Variants in EP400 observed in about 807,000 individuals in gnomAD.
The protein encoded by EP400 is E1A-binding protein p400.
EP400 carries 105 observed loss-of-function variants against 354.1 expected under a neutral mutation model. The ratio of observed to expected loss-of-function variants is 0.30; its 90% CI spans 0.25 to 0.35. The LOEUF is 0.35. Ranked by LOEUF, EP400 falls within the 10% of genes least tolerant of loss-of-function variation. EP400 has a pLI of 1.00. For missense variants in EP400, 3,280 were observed against 4,121.0 expected (o/e 0.80, Z 5.59); for synonymous variants, 1,646 against 1,716.9 (o/e 0.96, Z 1.02).
intron 2 of EP400, among the ~76,000 whole-genome samples, chr12:131,966,423 G>T (rs781125104): frequency 6.6e-6 from 1 of 151,850 alleles, no homozygotes; most frequent in Non-Finnish European, 1.5e-5. Flanking sequence ...GCAAAAATCA[G>T]CTGGGCATGG....
Position 131,951,065 on chromosome 12 carries a change from ATTTTTTTT to A in EP400, c.-36+1046_-36+1053del, listed in dbSNP as rs750396319. Reference sequence around the variant, plus strand: ...CAGGCGCCTGCCACCACGCCTGGCTATTTTTTTTTTTTTTTTTTTTTTTTGGATTTTTA... The same window carrying A: ...CAGGCGCCTGCCACCACGCCTGGCTATTTTTTTTTTTTTTTTGGATTTTTA... On this transcript the variant is annotated intron_variant, in intron 1 of 52. Transcript: ENST00000389561. 4.7e-4 allele frequency among the ~76,000 whole-genome samples: 49 copies of A among 104,170 alleles called. 1 individual carries two copies. Among genetic ancestry groups the A allele is most frequent in the Admixed American group, 1.5e-3 (15 of 9,942 alleles). The allele number at this position is 104,170 out of a possible 152,430, so 68.3% of individuals were successfully genotyped here.
chr12:131,973,504 G>A (rs1366149479), intron 2 of EP400, among the ~76,000 whole-genome samples: 1 of 152,188 alleles, frequency 6.6e-6, no homozygotes, highest in Non-Finnish European at 1.5e-5. Flanking sequence ...TTTGCCGGGT[G>A]TGGTGGCGTG....
intron 2 of EP400, among the ~76,000 whole-genome samples, chr12:131,963,125 G>A: frequency 6.6e-6 from 1 of 152,092 alleles, no homozygotes; most frequent in Non-Finnish European, 1.5e-5. Context: ...CCCCTTACCT[G>A]TGCTTAGAAA....
intron 19 of EP400, among the ~76,000 whole-genome samples, chr12:132,016,412 A>G (rs1893936014): frequency 6.6e-6 from 1 of 151,450 alleles, no homozygotes; most frequent in African/African-American, 2.4e-5. Flanking sequence ...CTTGTCACCT[A>G]GGCTGGAGTG....
In EP400 at chr12:132,054,162, C is replaced by T. The variant is rs1243250728; in HGVS notation, c.7728+565C>T. ...TGTGTGCGTCCGTGTGCCACACAGA[C>T]GCTGAAATCATATGCGCAGAATCAC... On this transcript the variant is annotated intron_variant, in intron 43 of 52. Transcript: ENST00000389561. This position sits in a 1 kb window ranked among gnomAD's most constrained non-coding sequence, Gnocchi z 4.0. Among the ~76,000 whole-genome samples the T allele has an allele frequency of 6.6e-6, 1 of 152,212 alleles. No homozygotes were observed. The highest frequency in any genetic ancestry group is 2.4e-5 in the African/African-American group (1 of 41,444).
rs369546928 is a variant in EP400 at position 132,017,652 on chromosome 12, C to T, written c.4041C>T (p.Tyr1347=). 4.1e-5 allele frequency: 66 copies of T among 1,601,420 alleles called. No individual in the cohort carries two copies. The highest frequency in any genetic ancestry group is 6.9e-5 in the Admixed American group (4 of 58,280). The change falls in exon 20 of 53, where the codon TAC becomes TAT. Residue 1347 remains tyrosine (Y), a synonymous_variant. Coordinates refer to ENST00000389561, the MANE Select transcript of EP400 (RefSeq NM_015409.5). The surrounding 1 kb of genome is among the most constrained non-coding windows in gnomAD (Gnocchi z 5.0). The part of the protein sequence containing the change: ...LVEPRHPGSS[Y]VAGPLEYPSA... ...AGCCCCGGCACCCAGGCTCTTCCTA[C>T]GTGGCGGGGCCACTGGAGTATCCGT...
At position 132,062,328 on chromosome 12, in the gene EP400, A is replaced by G. The variant is rs1895722390; in HGVS notation, c.8098+5A>G. 1 of 1,613,820 alleles carries G rather than the reference A, an allele frequency of 6.2e-7. No homozygotes were observed. Among genetic ancestry groups the G allele is most frequent in the Non-Finnish European group, 8.5e-7 (1 of 1,179,826 alleles). Reference sequence around the variant, plus strand: ...TGGTGCCCCAAGTGTCCCAAGGTAAAGCCAGGCTGGGAGCTTTCTCTGCCA... The same window carrying G: ...TGGTGCCCCAAGTGTCCCAAGGTAAGGCCAGGCTGGGAGCTTTCTCTGCCA... On this transcript the variant is annotated splice_donor_5th_base_variant and intron_variant, in intron 46 of 52. Coordinates refer to ENST00000389561, the MANE Select transcript of EP400 (RefSeq NM_015409.5).
chr12:131,996,012 G>T (rs1893201282), intron 12 of EP400, among the ~76,000 whole-genome samples: 1 of 152,244 alleles, frequency 6.6e-6, no homozygotes. Context: ...ATCCACCACA[G>T]TTTGATGGGC....
In EP400 at chr12:132,076,414, T is replaced by G. The variant is rs1395758038; in HGVS notation, c.9022-102T>G. ...ATTGCTCTTCTGTGTCACCTGGTCA[T>G]TGTGTTTTTTGCATTAACTGAGGAC... is the stretch of plus-strand genomic sequence containing the variant. On this transcript the variant is annotated intron_variant, in intron 51 of 52. Transcript: ENST00000389561. 2.5e-5 allele frequency: 28 copies of G among 1,136,900 alleles called. No individual in the cohort carries two copies. The Admixed American group carries it at 5.5e-4, about 22-fold the overall frequency. The allele number at this position is 1,136,900 out of a possible 1,614,324, so 70.4% of individuals were successfully genotyped here.
In EP400 at chr12:131,960,948, C is replaced by T; in HGVS notation, c.329C>T (p.Pro110Leu). The change falls in exon 2 of 53, where the codon CCT (proline) becomes CTT (leucine). Residue 110 changes from proline (P) to leucine (L), a missense_variant. By Grantham distance (98) the Pro-to-Leu change is moderately conservative (BLOSUM62 -3). Transcript: ENST00000389561. ...TSPGFQFSAQ[P>L]RRFEHGSPSY... ...CCAGGCTTCCAGTTCAGCGCTCAGC[C>T]TCGGCGGTTTGAGCATGGGTCTCCA... is the stretch of plus-strand genomic sequence containing the variant. 1.2e-6 allele frequency: 2 copies of T among 1,612,826 alleles called. No individual in the cohort carries two copies. Among genetic ancestry groups the T allele is most frequent in the Non-Finnish European group, 1.7e-6 (2 of 1,179,680 alleles).
Position 132,018,370 on chromosome 12 carries a change from C to A in EP400, c.4271C>A (p.Ala1424Asp). 6.2e-7 allele frequency: 1 copy of A among 1,604,914 alleles called. No homozygotes were observed. The highest frequency in any genetic ancestry group is 1.8e-5 in the Admixed American group (1 of 56,952). Reference protein sequence around the residue: ...AARPAAAKLKASRLFQPVQYG... With the variant: ...AARPAAAKLKDSRLFQPVQYG... The stretch of plus-strand genomic sequence containing the variant: ...CGACCAGCAGCAGCAAAGCTGAAGG[C>A]CAGCAGGTGCGTGCGACCCAGAGGC... Residue 1424 changes from alanine (A) to aspartate (D), a missense_variant, in exon 21 of 53, where the codon GCC becomes GAC. Ala to Asp is a moderately radical substitution (Grantham distance 126, BLOSUM62 -2). Transcript: ENST00000389561. The surrounding 1 kb of genome is among the most constrained non-coding windows in gnomAD (Gnocchi z 4.0).
Position 132,029,884 on chromosome 12 carries a change from G to A in EP400, c.5565G>A (p.Arg1855=), listed in dbSNP as rs746674993. The A allele has an allele frequency of 6.2e-7, 1 of 1,612,678 alleles. No homozygotes were observed. Among genetic ancestry groups the A allele is most frequent in the Non-Finnish European group, 8.5e-7 (1 of 1,179,986 alleles). ...APRLLQFPEL[R]LVQFDSGKLE... Reference sequence around the variant, plus strand: ...GCCTGCTGCAGTTCCCTGAGCTGAGGCTGGTGCAGTTCGACTCAGGTATGC... The same window carrying A: ...GCCTGCTGCAGTTCCCTGAGCTGAGACTGGTGCAGTTCGACTCAGGTATGC... Residue 1855 remains arginine (R), a synonymous_variant, in exon 28 of 53, where the codon AGG becomes AGA. Coordinates refer to ENST00000389561, the MANE Select transcript of EP400 (RefSeq NM_015409.5). The surrounding 1 kb of genome is among the most constrained non-coding windows in gnomAD (Gnocchi z 4.7).
Position 132,038,030 on chromosome 12 carries a change from G to A in EP400, c.6141G>A (p.Val2047=), listed in dbSNP as rs769688260. 5 of 1,614,172 alleles carry A rather than the reference G, an allele frequency of 3.1e-6. No homozygotes were observed. In the South Asian group the frequency reaches 5.5e-5, roughly 18 times the overall value. Residue 2047 remains valine (V), a synonymous_variant, in exon 32 of 53, where the codon GTG becomes GTA. Transcript: ENST00000389561. This position sits in a 1 kb window ranked among gnomAD's most constrained non-coding sequence, Gnocchi z 4.2. ...TCCCGGTCAAAGCTGAGGAGTTTGT[G>A]GTGCTTTCTCAGGAACCTTCTGTCA... ...AGFPVKAEEF[V]VLSQEPSVTE...
At position 132,074,767 on chromosome 12, in the gene EP400, T is replaced by C. The variant is rs144259851; in HGVS notation, c.9022-1749T>C. Among the ~76,000 whole-genome samples the C allele has an allele frequency of 2.5e-3, 379 of 152,324 alleles. 4 individuals are homozygous for C. The highest frequency in any genetic ancestry group is 3.4e-3 in the Non-Finnish European group (229 of 68,034). On this transcript the variant is annotated intron_variant, in intron 51 of 52. Coordinates refer to ENST00000389561, the MANE Select transcript of EP400 (RefSeq NM_015409.5). ...TCAAATCTGCTTCAAAGCTTGTCTGTTGAATTTTTATCTTGATGATTTATT... is the reference window on the plus strand; with the variant it reads ...TCAAATCTGCTTCAAAGCTTGTCTGCTGAATTTTTATCTTGATGATTTATT...
At position 132,045,883 on chromosome 12, in the gene EP400, C is replaced by G. The variant is rs547123451; in HGVS notation, c.7183C>G (p.Pro2395Ala). ...CRNRYENVII[P>A]REEGKSKNNR... ...GAATCGCTACGAGAATGTCATCATT[C>G]CACGAGAGGAGGGGAAGGTAAGCAC... is the stretch of plus-strand genomic sequence containing the variant. The change falls in exon 39 of 53, where the codon CCA becomes GCA. Residue 2395 changes from proline to alanine, a missense_variant. Pro to Ala is a conservative substitution (Grantham distance 27, BLOSUM62 -1). Transcript: ENST00000389561. 1 of 1,614,210 alleles carries G rather than the reference C, an allele frequency of 6.2e-7. No individual in the cohort carries two copies. The highest frequency in any genetic ancestry group is 1.1e-5 in the South Asian group (1 of 91,072).
rs558176922 is a variant in EP400 at position 132,027,301 on chromosome 12, T to G, written c.5015-136T>G. 1.2e-6 allele frequency: 1 copy of G among 825,948 alleles called. No individual in the cohort carries two copies. Among genetic ancestry groups the G allele is most frequent in the Non-Finnish European group, 2.0e-6 (1 of 495,482 alleles). 51.2% of individuals were successfully genotyped at this position (825,948 alleles called of 1,614,324 possible). On this transcript the variant is annotated intron_variant, in intron 25 of 52. Transcript: ENST00000389561. The surrounding 1 kb of genome is among the most constrained non-coding windows in gnomAD (Gnocchi z 4.9). ...GCATGTGCTGGTGGAGGATGAGGAC[T>G]TGGGGACATGCCGTTGCAGAATGAC... is the stretch of plus-strand genomic sequence containing the variant.
intron 1 of EP400, among the ~76,000 whole-genome samples, chr12:131,954,857 G>A (rs764383581): frequency 1.1e-4 from 16 of 151,494 alleles, no homozygotes; most frequent in Non-Finnish European, 1.6e-4. Context: ...GTGAAACCTC[G>A]TCTGTACAAA....
chr12:132,024,852 A>C (rs1449780031), intron 24 of EP400, among the ~76,000 whole-genome samples: 6 of 89,438 alleles, frequency 6.7e-5, no homozygotes, highest in Admixed American at 2.5e-4. Flanking sequence ...ACCTTCCCTC[A>C]CCTTCCTTCA....
At position 132,063,722 on chromosome 12, in the gene EP400, T is replaced by G. The variant is rs928640411; in HGVS notation, c.8335-946T>G. 2.6e-5 allele frequency among the ~76,000 whole-genome samples: 4 copies of G among 152,218 alleles called. No individual in the cohort carries two copies. In the South Asian group the frequency reaches 8.3e-4, roughly 32 times the overall value. ...CGCACACTCAGCTGAGGGCCCCTCC[T>G]GGGGCTGTCGGGAGGGCTGTCGGTG... is the stretch of plus-strand genomic sequence containing the variant. On this transcript the variant is annotated intron_variant, in intron 47 of 52. Transcript: ENST00000389561.
Sources: allele counts gnomAD v4.1 joint callset (sites outside exome capture counted in the v4.1 genomes callset), GRCh38; gene constraint gnomAD v4.1.1; non-coding constraint Gnocchi (gnomAD v3.1); transcripts MANE v1.5; gene names NCBI Gene and HGNC (gene_info 2026-07-23, HGNC 2026-07-21).